KIF18A: variants seen among roughly 807,000 people sequenced by gnomAD.
KIF18A encodes the protein kinesin-like protein KIF18A.
A neutral mutation model predicts 103.3 loss-of-function variants in KIF18A; 67 were observed. The ratio of observed to expected loss-of-function variants is 0.65; its 90% CI spans 0.53 to 0.79. The LOEUF (loss-of-function observed/expected upper bound fraction) is 0.79. KIF18A is among the 30% of genes least tolerant of loss of function. KIF18A has a pLI of 0.00. For missense variants in KIF18A, 1,032 were observed against 1,062.5 expected (o/e 0.97, Z 0.40); for synonymous variants, 367 against 355.5 (o/e 1.03, Z -0.36).
chr11:28,080,348 G>GTTTTT (rs34970405), intron 9 of KIF18A, among the ~76,000 whole-genome samples: 3 of 138,172 alleles, frequency 2.2e-5, no homozygotes, highest in Non-Finnish European at 4.7e-5. Context: ...TGCAGACACT[G>GTTTTT]TTTTTTTTTT....
intron 3 of KIF18A, 89 bp downstream of exon 3, chr11:28,094,554 A>G: frequency 1.2e-6 from 1 of 847,128 alleles, no homozygotes; most frequent in Non-Finnish European, 1.8e-6. Flanking sequence ...TTATATATTC[A>G]CCGGAAAACT....
At chr11:28,102,940 G>A (rs1291702467) in intron 1 of KIF18A, among the ~76,000 whole-genome samples, 1 of 152,136 alleles carries the variant, frequency 6.6e-6, no homozygotes, top group Admixed American at 6.5e-5. Flanking sequence ...CTTCAACCAT[G>A]TTTAATATGA....
At chr11:28,021,809 T>C (rs1850249420) in intron 16 of KIF18A, among the ~76,000 whole-genome samples, 1 of 152,210 alleles carries the variant, frequency 6.6e-6, no homozygotes. Flanking sequence ...TGGTTCTTCA[T>C]TAGCTTTCAC....
intron 12 of KIF18A, among the ~76,000 whole-genome samples, chr11:28,061,528 G>C (rs1384282185): frequency 6.6e-6 from 1 of 152,110 alleles, no homozygotes; most frequent in Non-Finnish European, 1.5e-5. Flanking sequence ...TTCAGCTCTT[G>C]TAAGTGGTTT....
At chr11:28,082,380 A>C (rs1354615424) in intron 9 of KIF18A, among the ~76,000 whole-genome samples, 1 of 152,094 alleles carries the variant, frequency 6.6e-6, no homozygotes, top group Non-Finnish European at 1.5e-5. Context: ...AGCCACTCCA[A>C]CTTGCAGCAA....
intron 15 of KIF18A, among the ~76,000 whole-genome samples, chr11:28,028,798 G>A (rs570486231): frequency 6.6e-6 from 1 of 151,834 alleles, no homozygotes; most frequent in East Asian, 1.9e-4. Context: ...TAAGAAAGAG[G>A]AAAAGAGAGA....
Position 28,097,970 on chromosome 11 carries a change from C to A in KIF18A, c.-23G>T, listed in dbSNP as rs2133566414. 1 of 1,489,894 alleles carries A rather than the reference C, an allele frequency of 6.7e-7. No individual in the cohort carries two copies. Among genetic ancestry groups the A allele is most frequent in the South Asian group, 1.3e-5 (1 of 76,066 alleles). 92.3% of individuals were successfully genotyped at this position (1,489,894 alleles called of 1,614,324 possible). A position where few individuals can be genotyped will look rare whatever the true frequency, so the allele number is the denominator to read the frequency against. The stretch of plus-strand genomic sequence containing the variant: ...CATTGTTGATTATCTTGATTCCTAT[C>A]TGTATAAATACTTGAATACTTCTCT... On this transcript the variant is annotated 5_prime_UTR_variant, in exon 2 of 17. Transcript: ENST00000263181.
chr11:28,045,730 A>G (rs1850623372), intron 13 of KIF18A, among the ~76,000 whole-genome samples: 1 of 152,120 alleles, frequency 6.6e-6, no homozygotes, highest in Non-Finnish European at 1.5e-5. Flanking sequence ...TAACATCTAA[A>G]CACTAATGAA....
At chr11:28,072,357 A>G (rs1186820112) in intron 10 of KIF18A, among the ~76,000 whole-genome samples, 2 of 152,170 alleles carry the variant, frequency 1.3e-5, no homozygotes, top group East Asian at 3.8e-4. Context: ...TCATGAAATT[A>G]CCCAGGAGCT....
intron 9 of KIF18A, among the ~76,000 whole-genome samples, chr11:28,078,484 T>C (rs902543432): frequency 1.3e-4 from 20 of 152,114 alleles, no homozygotes; most frequent in Non-Finnish European, 2.5e-4. Context: ...TGTTCACTGA[T>C]TAGGATGAAA....
intron 10 of KIF18A, among the ~76,000 whole-genome samples, chr11:28,071,753 C>T (rs1427256144): frequency 6.6e-6 from 1 of 152,076 alleles, no homozygotes; most frequent in Non-Finnish European, 1.5e-5. Context: ...CTTTTCTCTG[C>T]TATTCAGCAG....
chr11:28,047,362 C>G (rs977048748), intron 13 of KIF18A, among the ~76,000 whole-genome samples: 2 of 151,988 alleles, frequency 1.3e-5, no homozygotes, highest in Non-Finnish European at 2.9e-5. Context: ...TAAGGCCTTA[C>G]GTACTTTAAC....
In KIF18A at chr11:28,094,624, A is replaced by T; in HGVS notation, c.483+19T>A. The T allele has an allele frequency of 8.9e-6, 14 of 1,569,582 alleles. No homozygotes were observed. Among genetic ancestry groups the T allele is most frequent in the Non-Finnish European group, 1.1e-5 (13 of 1,141,986 alleles). On this transcript the variant is annotated intron_variant, in intron 3 of 16. Transcript: ENST00000263181. Reference sequence around the variant, plus strand: ...AATGATTTCCCAAAACTATTGATTAATCTAAATTCCCAACTTACCTCCAGA... The same window carrying T: ...AATGATTTCCCAAAACTATTGATTATTCTAAATTCCCAACTTACCTCCAGA...
chr11:28,057,934 A>T (rs1850802809), intron 13 of KIF18A, among the ~76,000 whole-genome samples: 1 of 152,224 alleles, frequency 6.6e-6, no homozygotes, highest in South Asian at 2.1e-4. Flanking sequence ...GTTGCAGGTC[A>T]CTATGTGTAA....
chr11:28,096,236 A>G (rs532419022), intron 2 of KIF18A, among the ~76,000 whole-genome samples: 4 of 150,994 alleles, frequency 2.6e-5, no homozygotes, highest in South Asian at 4.2e-4. Context: ...TGAATTACAT[A>G]TGGTAAACAC....
At chr11:28,032,595 C>T (rs1286429490) in intron 15 of KIF18A, among the ~76,000 whole-genome samples, 2 of 151,780 alleles carry the variant, frequency 1.3e-5, no homozygotes, top group African/African-American at 4.8e-5. Context: ...TTTGACAAAG[C>T]TGCCAAGAAC....
chr11:28,100,474 T>A (rs551396250), intron 1 of KIF18A, among the ~76,000 whole-genome samples: 1 of 138,700 alleles, frequency 7.2e-6, no homozygotes, highest in Non-Finnish European at 1.5e-5. Flanking sequence ...GGGGCAGTAG[T>A]GGGGAAAAAA....
intron 13 of KIF18A, among the ~76,000 whole-genome samples, chr11:28,041,421 G>C (rs11030195): frequency 0.14 from 21,516 of 151,604 alleles, 1,719 homozygotes; most frequent in East Asian, 0.28. Flanking sequence ...GAGATCCAAC[G>C]GCAACAATGA....
chr11:28,106,085 T>C (rs1851500231), intron 1 of KIF18A, among the ~76,000 whole-genome samples: 1 of 152,186 alleles, frequency 6.6e-6, no homozygotes, highest in Non-Finnish European at 1.5e-5. Context: ...TTTAATTCAT[T>C]GATTGTATTC....
Sources: allele counts gnomAD v4.1 joint callset (sites outside exome capture counted in the v4.1 genomes callset), GRCh38; gene constraint gnomAD v4.1.1; transcripts MANE v1.5; gene names NCBI Gene and HGNC (gene_info 2026-07-23, HGNC 2026-07-21).